The following CNKSR2 variants were observed in gnomAD, a reference collection of about 807,000 sequenced individuals.
CNKSR2 encodes the protein connector enhancer of kinase suppressor of Ras 2.
In CNKSR2, 14 loss-of-function variants were observed where a neutral mutation model predicts 84.4. The observed-to-expected ratio is 0.17, with a 90% CI of 0.11 to 0.26. The LOEUF is 0.26. CNKSR2 is among the 10% of genes least tolerant of loss of function. CNKSR2 has a pLI of 1.00. For missense variants in CNKSR2, 485 were observed against 771.2 expected (o/e 0.63, Z 4.40); for synonymous variants, 275 against 277.9 (o/e 0.99, Z 0.10).
At chrX:21,394,952 CAA>C (rs1008458730) in intron 1 of CNKSR2, among the ~76,000 whole-genome samples, 3 of 111,384 alleles carry the variant, frequency 2.7e-5, no homozygotes, top group African/African-American at 9.8e-5. Flanking sequence ...TCACTGAAAA[CAA>C]GAGAGAATCA....
chrX:21,604,893 C>T (rs1056145799), intron 18 of CNKSR2, among the ~76,000 whole-genome samples: 1 of 111,709 alleles, frequency 9.0e-6, no homozygotes, highest in Non-Finnish European at 1.9e-5. Context: ...ACAAGAAAAA[C>T]TTTATGTCTA....
At position 21,626,268 on chromosome X, in the gene CNKSR2, T is replaced by A. The variant is rs1172016058; in HGVS notation, c.2692+16651T>A. ...GTAAAAAAAAAAAAAAAAAAAAAAA[T>A]GGCATCAGCAAAGGTAGACAGGAAG... On this transcript the variant is annotated intron_variant, in intron 20 of 21. Coordinates refer to ENST00000379510, the MANE Select transcript of CNKSR2 (RefSeq NM_014927.5). 4.0e-3 allele frequency among the ~76,000 whole-genome samples: 333 copies of A among 83,975 alleles called. 4 individuals carry two copies. Among genetic ancestry groups the A allele is most frequent in the African/African-American group, 0.016 (306 of 19,534 alleles). 72.9% of individuals were successfully genotyped at this position (83,975 alleles called of 115,157 possible).
intron 9 of CNKSR2, among the ~76,000 whole-genome samples, chrX:21,525,084 A>G (rs908044722): frequency 3.6e-5 from 4 of 111,366 alleles, no homozygotes; most frequent in African/African-American, 1.3e-4. Flanking sequence ...CAGAGAGGAA[A>G]ACAGTTATAA....
intron 13 of CNKSR2, among the ~76,000 whole-genome samples, chrX:21,571,499 C>G (rs1342714141): frequency 8.9e-6 from 1 of 112,127 alleles, no homozygotes; most frequent in Non-Finnish European, 1.9e-5. Flanking sequence ...ATGCTAAGCA[C>G]TTAAATACAG....
At chrX:21,517,613 AT>A (rs1181128102) in intron 9 of CNKSR2, among the ~76,000 whole-genome samples, 1 of 110,620 alleles carries the variant, frequency 9.0e-6, no homozygotes, top group Admixed American at 9.7e-5. Flanking sequence ...GGATGTAATG[AT>A]TTTTTTTCTA....
At chrX:21,574,768 A>G (rs1422698677) in intron 13 of CNKSR2, among the ~76,000 whole-genome samples, 1 of 111,861 alleles carries the variant, frequency 8.9e-6, no homozygotes, top group Admixed American at 9.5e-5. Flanking sequence ...CATATCGCAC[A>G]AGCACAAGTG....
chrX:21,569,138 A>G (rs2092264356), intron 13 of CNKSR2, among the ~76,000 whole-genome samples: 1 of 111,910 alleles, frequency 8.9e-6, no homozygotes, highest in South Asian at 3.7e-4. Flanking sequence ...CATTATGTCT[A>G]AAAAACAATG....
chrX:21,462,774 C>T (rs1007157631), intron 4 of CNKSR2, among the ~76,000 whole-genome samples: 1 of 102,477 alleles, frequency 9.8e-6, no homozygotes, highest in East Asian at 3.0e-4. Flanking sequence ...AGTACGGTGA[C>T]GTGATCTCAG....
intron 1 of CNKSR2, among the ~76,000 whole-genome samples, chrX:21,383,553 CTT>C (rs1172249215): frequency 2.4e-4 from 27 of 111,965 alleles, no homozygotes; most frequent in Non-Finnish European, 5.7e-5. Flanking sequence ...ATACATGACT[CTT>C]ATGTGTTTAC....
chrX:21,536,550 C>T (rs1461850550), intron 11 of CNKSR2, among the ~76,000 whole-genome samples: 1 of 110,931 alleles, frequency 9.0e-6, no homozygotes, highest in Non-Finnish European at 1.9e-5. Flanking sequence ...AATCTCATTA[C>T]TAGATAGTGA....
At chrX:21,528,271 G>C (rs181975393) in intron 10 of CNKSR2, among the ~76,000 whole-genome samples, 115 of 111,215 alleles carry the variant, frequency 1.0e-3, no homozygotes, top group Middle Eastern at 4.7e-3. Context: ...GAGGAACAAT[G>C]AAAGTATGTG....
At chrX:21,381,471 A>G (rs765105960) in intron 1 of CNKSR2, among the ~76,000 whole-genome samples, 114 of 112,130 alleles carry the variant, frequency 1.0e-3, no homozygotes, top group African/African-American at 3.4e-3. Flanking sequence ...AGGTCATGAT[A>G]ATTGTAGCAT....
chrX:21,423,748 C>T (rs1330389152), intron 1 of CNKSR2: 2 of 111,493 alleles, frequency 1.8e-5, no homozygotes, highest in East Asian at 5.6e-4. Context: ...AGATTGAATG[C>T]CATCTGGGTA....
At chrX:21,563,105 C>T (rs1046162052) in intron 12 of CNKSR2, 133 bp from the exon 13 acceptor site, 14 of 458,512 alleles carry the variant, frequency 3.1e-5, no homozygotes, top group Non-Finnish European at 4.4e-5. Flanking sequence ...AAAGTAATTG[C>T]GGTTCTTGCA....
At chrX:21,593,920 C>T (rs1446388344) in intron 15 of CNKSR2, 4 of 111,578 alleles carry the variant, frequency 3.6e-5, no homozygotes, top group Non-Finnish European at 7.5e-5. Context: ...GTGGCAGTAC[C>T]TCAAAGAGCT....
At chrX:21,589,934 TG>T (rs2092410549) in intron 13 of CNKSR2, among the ~76,000 whole-genome samples, 1 of 110,921 alleles carries the variant, frequency 9.0e-6, no homozygotes, top group African/African-American at 3.3e-5. Context: ...TTAGATACAG[TG>T]GCTGGTGTGT....
chrX:21,498,803 A>G (rs1439343149), intron 7 of CNKSR2, among the ~76,000 whole-genome samples: 1 of 109,672 alleles, frequency 9.1e-6, no homozygotes, highest in Non-Finnish European at 1.9e-5. Context: ...GCAGGTACTG[A>G]GCTTTGAATG....
intron 5 of CNKSR2, among the ~76,000 whole-genome samples, chrX:21,485,138 A>G (rs903262193): frequency 1.8e-5 from 2 of 111,390 alleles, no homozygotes; most frequent in African/African-American, 6.5e-5. Context: ...AGCCAAGATC[A>G]TGCCACTGCA....
chrX:21,384,479 A>G (rs2089942068), intron 1 of CNKSR2, among the ~76,000 whole-genome samples: 1 of 112,091 alleles, frequency 8.9e-6, no homozygotes. Context: ...TTTTCTTTCC[A>G]GTGGCCCTAG....
Sources: allele counts gnomAD v4.1 joint callset (sites outside exome capture counted in the v4.1 genomes callset), GRCh38; gene constraint gnomAD v4.1.1; transcripts MANE v1.5; gene names NCBI Gene and HGNC (gene_info 2026-07-23, HGNC 2026-07-21).